The following HCN1 variants were observed in gnomAD, a reference collection of about 807,000 sequenced individuals.
The protein encoded by HCN1 is potassium/sodium hyperpolarization-activated cyclic nucleotide-gated channel 1.
A neutral mutation model predicts 78.9 loss-of-function variants in HCN1; 13 were observed. That is an observed-to-expected ratio of 0.16 (90% confidence interval 0.11 to 0.26). The LOEUF (loss-of-function observed/expected upper bound fraction) is 0.26, where lower values mean the gene tolerates loss of function less well. HCN1 is among the 10% of genes least tolerant of loss of function. The pLI is 1.00. For missense variants in HCN1, 810 were observed against 1,154.3 expected, an observed-to-expected ratio of 0.70 and a Z score of 4.32; for synonymous variants, 552 against 455.5, an observed-to-expected ratio of 1.21 and a Z score of -2.70.
intron 2 of HCN1, among the ~76,000 whole-genome samples, chr5:45,541,471 C>T (rs749860345): frequency 2.0e-5 from 3 of 152,154 alleles, no homozygotes; most frequent in Non-Finnish European, 4.4e-5. Context: ...CTTCTATGAT[C>T]CTTTTGTACT....
chr5:45,539,072 T>C (rs753768104), intron 2 of HCN1, among the ~76,000 whole-genome samples: 7 of 152,344 alleles, frequency 4.6e-5, no homozygotes, highest in Middle Eastern at 3.4e-3. Context: ...CAATACTTTC[T>C]ATTTGTAACT....
chr5:45,645,488 T>C lies in HCN1; in HGVS notation c.546A>G (p.Ser182=), dbSNP rs769798851. ...TCAGGTCCAATAGGAAAACTGTATC[T>C]GATGCCACATTGAAAATAATCCATG... ...TTPWIIFNVA[S]DTVFLLDLIM... is the part of the protein sequence containing the mutation. The change falls in exon 2 of 8, where the codon TCA becomes TCG. Residue 182 remains serine (S), a synonymous_variant. Coordinates refer to ENST00000303230, the MANE Select transcript of HCN1 (RefSeq NM_021072.4). The C allele has an allele frequency of 2.5e-6, 4 of 1,613,478 alleles. No individual in the cohort carries two copies. In the Admixed American group the frequency reaches 6.7e-5, roughly 27 times the overall value.
At chr5:45,545,398 G>T (rs1345167802) in intron 2 of HCN1, among the ~76,000 whole-genome samples, 1 of 152,142 alleles carries the variant, frequency 6.6e-6, no homozygotes, top group Non-Finnish European at 1.5e-5. Context: ...TAGGCAGGTT[G>T]CCTGTTCATT....
chr5:45,296,761 G>A (rs1015227789), intron 6 of HCN1, among the ~76,000 whole-genome samples: 9 of 151,798 alleles, frequency 5.9e-5, no homozygotes, highest in African/African-American at 1.5e-4. Context: ...AATGAAAGAG[G>A]GGTCATCACT....
In HCN1 at chr5:45,329,279, C is replaced by A. The variant is rs1404301740; in HGVS notation, c.1377+23821G>T. Among the ~76,000 whole-genome samples, 8 of 151,604 alleles carry A rather than the reference C, an allele frequency of 5.3e-5. No individual in the cohort carries two copies. In the East Asian group the frequency reaches 5.8e-4, roughly 11 times the overall value. On this transcript the variant is annotated intron_variant, in intron 5 of 7. Coordinates refer to ENST00000303230, the MANE Select transcript of HCN1 (RefSeq NM_021072.4). ...CTGCCACTTTCCTCCCCTTCCCCAG[C>A]CCCTGGTAACCTCTGTTCTACTTTC...
chr5:45,565,164 T>A (rs532972261), intron 2 of HCN1, among the ~76,000 whole-genome samples: 1 of 151,870 alleles, frequency 6.6e-6, no homozygotes, highest in African/African-American at 2.4e-5. Context: ...GTAGATATTT[T>A]TCCTTTGATC....
At chr5:45,384,438 C>T (rs1162675703) in intron 4 of HCN1, among the ~76,000 whole-genome samples, 1 of 152,070 alleles carries the variant, frequency 6.6e-6, no homozygotes, top group Admixed American at 6.6e-5. Flanking sequence ...TAAAGTATAA[C>T]TTCACTGTTT....
intron 2 of HCN1, among the ~76,000 whole-genome samples, chr5:45,514,730 C>T (rs143993240): frequency 2.6e-5 from 4 of 152,038 alleles, no homozygotes; most frequent in African/African-American, 9.6e-5. Flanking sequence ...TCAATAAAGC[C>T]ATGAACAGAA....
chr5:45,340,693 T>C (rs1357071164), intron 5 of HCN1, among the ~76,000 whole-genome samples: 2 of 152,196 alleles, frequency 1.3e-5, no homozygotes, highest in African/African-American at 4.8e-5. Context: ...AAAAAGCTTA[T>C]GGAAGGTGCA....
chr5:45,350,159 C>A (rs1274836998), intron 5 of HCN1, among the ~76,000 whole-genome samples: 1 of 152,076 alleles, frequency 6.6e-6, no homozygotes, highest in Non-Finnish European at 1.5e-5. Flanking sequence ...AGCAGCACAT[C>A]TAAAAGGTTA....
intron 4 of HCN1, among the ~76,000 whole-genome samples, chr5:45,376,765 A>G (rs1747688841): frequency 6.6e-6 from 1 of 151,872 alleles, no homozygotes; most frequent in South Asian, 2.1e-4. Flanking sequence ...GGGATTCTGA[A>G]CCATGTATTT....
At chr5:45,288,986 A>T (rs1745320824) in intron 6 of HCN1, among the ~76,000 whole-genome samples, 1 of 152,048 alleles carries the variant, frequency 6.6e-6, no homozygotes, top group Admixed American at 6.6e-5. Context: ...TAACCGCAGG[A>T]CATCATTGCC....
rs1744740348 is a variant in HCN1, at chr5:45,261,844, G to C, written c.*77C>G. The C allele has an allele frequency of 1.3e-6, 2 of 1,513,854 alleles. No homozygotes were observed. Among genetic ancestry groups the C allele is most frequent in the Admixed American group, 3.3e-5 (2 of 59,892 alleles). The allele number at this position is 1,513,854 out of a possible 1,614,324, so 93.8% of individuals were successfully genotyped here. ...ATAGTAGGCTAGAGGGATCTATCAGGAGATAGAATAAAATAAGATCTGAGT... is the reference window on the plus strand; with the variant it reads ...ATAGTAGGCTAGAGGGATCTATCAGCAGATAGAATAAAATAAGATCTGAGT... On this transcript the variant is annotated 3_prime_UTR_variant, in exon 8 of 8. Coordinates refer to ENST00000303230, the MANE Select transcript of HCN1 (RefSeq NM_021072.4).
chr5:45,350,152 A>G (rs1746858320), intron 5 of HCN1, among the ~76,000 whole-genome samples: 1 of 152,208 alleles, frequency 6.6e-6, no homozygotes, highest in Non-Finnish European at 1.5e-5. Context: ...CGAATCCAGC[A>G]GCACATCTAA....
At position 45,417,046 on chromosome 5, in the gene HCN1, C is replaced by T. The variant is rs11959180; in HGVS notation, c.1012-20336G>A. Among the ~76,000 whole-genome samples the T allele has an allele frequency of 3.4e-3, 518 of 151,974 alleles. 6 individuals carry two copies. The highest frequency in any genetic ancestry group is 0.012 in the African/African-American group (489 of 41,490). On this transcript the variant is annotated intron_variant, in intron 3 of 7. Coordinates refer to ENST00000303230, the MANE Select transcript of HCN1 (RefSeq NM_021072.4). ...AGTTTGAACCTGCTTTACAAACAAC[C>T]CTGAATTAGTTTGAAATTACGTAAA...
At chr5:45,345,513 G>C (rs1406321500) in intron 5 of HCN1, among the ~76,000 whole-genome samples, 1 of 152,122 alleles carries the variant, frequency 6.6e-6, no homozygotes, top group Admixed American at 6.6e-5. Context: ...TTGCTGCTTA[G>C]AACTTTTTTT....
At chr5:45,538,732 G>A (rs1413048497) in intron 2 of HCN1, among the ~76,000 whole-genome samples, 3 of 151,930 alleles carry the variant, frequency 2.0e-5, no homozygotes, top group Non-Finnish European at 4.4e-5. Flanking sequence ...GTACATTATC[G>A]AATTGACATA....
intron 4 of HCN1, among the ~76,000 whole-genome samples, chr5:45,394,984 C>G (rs1464478577): frequency 1.3e-5 from 2 of 152,110 alleles, no homozygotes; most frequent in Non-Finnish European, 2.9e-5. Flanking sequence ...ATACAAATAT[C>G]TATGATTCCA....
intron 4 of HCN1, among the ~76,000 whole-genome samples, chr5:45,372,351 T>G (rs572023371): frequency 9.4e-6 from 1 of 106,612 alleles, no homozygotes; most frequent in African/African-American, 3.9e-5. Flanking sequence ...ATATATATTT[T>G]ACATATTATA....
Sources: allele counts gnomAD v4.1 joint callset (sites outside exome capture counted in the v4.1 genomes callset), GRCh38; gene constraint gnomAD v4.1.1; transcripts MANE v1.5; gene names NCBI Gene and HGNC (gene_info 2026-07-23, HGNC 2026-07-21).